TEX9: variants seen among roughly 807,000 people sequenced by gnomAD.
TEX9 encodes testis-expressed protein 9.
In TEX9, 74 loss-of-function variants were observed where a neutral mutation model predicts 59.6. The ratio of observed to expected loss-of-function variants is 1.24; its 90% CI spans 1.03 to 1.51. TEX9 has a LOEUF of 1.51. Ranked by LOEUF, TEX9 falls within the 40% of genes most tolerant of loss-of-function variation. TEX9 has a pLI of 0.00. For missense variants in TEX9, 522 were observed against 447.8 expected, an observed-to-expected ratio of 1.17 and a Z score of -1.49; for synonymous variants, 186 against 152.2, an observed-to-expected ratio of 1.22 and a Z score of -1.64.
At chr15:56,432,731 C>G (rs1274212719) in intron 12 of TEX9, among the ~76,000 whole-genome samples, 1 of 152,142 alleles carries the variant, frequency 6.6e-6, no homozygotes, top group African/African-American at 2.4e-5. Context: ...AAGTACTAAC[C>G]AGGCCTGATC....
chr15:56,394,145 A>G lies in TEX9; in HGVS notation c.572-20A>G, dbSNP rs376347389. ...TTAGATTCAGCAAAAGACAGTAAAT[A>G]TAATTATTTAAATTCACAGAAGCAC... On this transcript the variant is annotated intron_variant, in intron 7 of 12. Transcript: ENST00000352903. 1.1e-5 allele frequency: 17 copies of G among 1,594,398 alleles called. No individual in the cohort carries two copies. The African/African-American group carries it at 2.0e-4, about 19-fold the overall frequency.
At chr15:56,294,393 A>G (rs1207260219) in intron 1 of TEX9, among the ~76,000 whole-genome samples, 1 of 152,028 alleles carries the variant, frequency 6.6e-6, no homozygotes, top group African/African-American at 2.4e-5. Flanking sequence ...TGCCCAATGT[A>G]TGTTTTTTGT....
chr15:56,353,467 G>T (rs1333464973), intron 1 of TEX9, among the ~76,000 whole-genome samples: 1 of 152,134 alleles, frequency 6.6e-6, no homozygotes, highest in South Asian at 2.1e-4. Context: ...TGAACTAACA[G>T]TGTACACTTT....
intron 9 of TEX9, among the ~76,000 whole-genome samples, chr15:56,411,060 G>C (rs932291429): frequency 6.6e-6 from 1 of 152,094 alleles, no homozygotes; most frequent in African/African-American, 2.4e-5. Flanking sequence ...ATATAGCCAG[G>C]AAAAAATTAT....
At chr15:56,447,729 A>G (rs2050917612), downstream of TEX9, 1 of 152,166 alleles carries the variant, frequency 6.6e-6, no homozygotes, top group Non-Finnish European at 1.5e-5. Flanking sequence ...ATATGTATGC[A>G]CCTGTGAAAC....
chr15:56,283,791 C>G (rs1336054205), intron 1 of TEX9, among the ~76,000 whole-genome samples: 1 of 151,796 alleles, frequency 6.6e-6, no homozygotes, highest in East Asian at 1.9e-4. Context: ...AAGAGACAAA[C>G]ATAAACCTGG....
At chr15:56,394,247 G>A (rs780974602) in exon 8 of TEX9, 7 of 1,596,400 alleles carry the variant, frequency 4.4e-6, no homozygotes, top group Admixed American at 3.5e-5. Flanking sequence ...GCAATAAAAA[G>A]GTAAGTTTTA....
chr15:56,401,515 G>C lies in TEX9; in HGVS notation c.828+6681G>C, dbSNP rs562025843. On this transcript the variant is annotated intron_variant, in intron 9 of 12. Coordinates refer to ENST00000352903, the Ensembl canonical transcript of TEX9. Reference sequence around the variant, plus strand: ...AAGCAAGTCCTTAGACACCTGCAAAGAGACTTAGACTACCACACAATAATA... The same window carrying C: ...AAGCAAGTCCTTAGACACCTGCAAACAGACTTAGACTACCACACAATAATA... Among the ~76,000 whole-genome samples, 3 of 152,244 alleles carry C rather than the reference G, an allele frequency of 2.0e-5. No homozygotes were observed. In the East Asian group the frequency reaches 5.8e-4, roughly 29 times the overall value.
In TEX9 at chr15:56,433,222, G is replaced by A. The variant is rs533366735; in HGVS notation, c.*29+4749G>A. 7.4e-5 allele frequency among the ~76,000 whole-genome samples: 11 copies of A among 149,458 alleles called. No individual in the cohort carries two copies. The South Asian group carries it at 2.2e-3, about 30-fold the overall frequency. ...AAGATGGAAGTGACACATGGACACA[G>A]GGAGAGGAACATCATCACACACCAG... On this transcript the variant is annotated intron_variant, in intron 12 of 12. Transcript: ENST00000352903.
chr15:56,415,838 C>T (rs2049652872), intron 10 of TEX9, among the ~76,000 whole-genome samples: 1 of 151,772 alleles, frequency 6.6e-6, no homozygotes, highest in Non-Finnish European at 1.5e-5. Context: ...GCAGTATAGG[C>T]ATTTTAATAA....
At chr15:56,401,951 A>C (rs1176019145) in intron 9 of TEX9, among the ~76,000 whole-genome samples, 5 of 152,236 alleles carry the variant, frequency 3.3e-5, no homozygotes, top group Non-Finnish European at 1.5e-5. Flanking sequence ...AAGACACAAC[A>C]TACCAGAATC....
chr15:56,391,220 T>C, intron 6 of TEX9, 23 bp from the exon 7 acceptor site: 1 of 1,497,492 alleles, frequency 6.7e-7, no homozygotes, highest in South Asian at 1.4e-5. Context: ...TACATACATA[T>C]GTATTTAATT....
intron 9 of TEX9, chr15:56,398,464 A>T (rs2048589445): frequency 6.6e-6 from 1 of 152,226 alleles, no homozygotes; most frequent in Non-Finnish European, 1.5e-5. Flanking sequence ...GTCTAGGGGA[A>T]CATCCATGTT....
chr15:56,342,435 G>A (rs1396408472), intron 1 of TEX9, among the ~76,000 whole-genome samples: 6 of 151,908 alleles, frequency 3.9e-5, no homozygotes, highest in African/African-American at 7.3e-5. Flanking sequence ...TTCTATTGCC[G>A]CTTGCAACAA....
intron 1 of TEX9, among the ~76,000 whole-genome samples, chr15:56,296,484 A>G (rs1186411628): frequency 1.3e-5 from 2 of 152,180 alleles, no homozygotes; most frequent in East Asian, 1.9e-4. Flanking sequence ...TTATGACCCA[A>G]TTTTAAAGGT....
At chr15:56,348,506 G>C (rs2046515896) in intron 1 of TEX9, among the ~76,000 whole-genome samples, 1 of 151,974 alleles carries the variant, frequency 6.6e-6, no homozygotes, top group African/African-American at 2.4e-5. Context: ...ATATATTTTT[G>C]CTAAATAAAC....
intron 1 of TEX9, among the ~76,000 whole-genome samples, chr15:56,322,274 A>G (rs1209847641): frequency 6.6e-6 from 1 of 152,114 alleles, no homozygotes; most frequent in African/African-American, 2.4e-5. Context: ...TAAGAAGTGC[A>G]TTTTATTTTA....
At chr15:56,368,400 C>T (rs531573532) in intron 2 of TEX9, among the ~76,000 whole-genome samples, 8 of 151,936 alleles carry the variant, frequency 5.3e-5, no homozygotes, top group Non-Finnish European at 1.2e-4. Flanking sequence ...ACTTCTTTTC[C>T]TTTCTGTTTT....
upstream of TEX9, among the ~76,000 whole-genome samples, chr15:56,360,594 T>A (rs1401464273): frequency 2.6e-5 from 4 of 152,216 alleles, no homozygotes; most frequent in African/African-American, 9.6e-5. Context: ...TTATATTTTT[T>A]AATTTTCTGT....
Sources: allele counts gnomAD v4.1 joint callset (sites outside exome capture counted in the v4.1 genomes callset), GRCh38; gene constraint gnomAD v4.1.1; transcripts MANE v1.5; gene names NCBI Gene and HGNC (gene_info 2026-07-23, HGNC 2026-07-21).